HSD17B13: variants seen among roughly 807,000 people sequenced by gnomAD.
HSD17B13 encodes the protein 17-beta-hydroxysteroid dehydrogenase 13.
HSD17B13 carries 26 observed loss-of-function variants against 31.1 expected under a neutral mutation model. The ratio of observed to expected loss-of-function variants is 0.84; its 90% CI spans 0.61 to 1.16. The LOEUF (loss-of-function observed/expected upper bound fraction) is 1.16, where lower values mean the gene tolerates loss of function less well. Among genes scored for constraint, HSD17B13 ranks in the 50% most tolerant of loss-of-function variants. HSD17B13 has a pLI of 0.00. For synonymous variants in HSD17B13, 141 were observed against 133.7 expected, an observed-to-expected ratio of 1.05 and a Z score of -0.38; for missense variants, 374 against 366.5, an observed-to-expected ratio of 1.02 and a Z score of -0.17.
At chr4:87,321,809 T>C (rs528187239) in intron 1 of HSD17B13, among the ~76,000 whole-genome samples, 71 of 152,326 alleles carry the variant, frequency 4.7e-4, no homozygotes, top group South Asian at 1.4e-3. Context: ...AATAATATAA[T>C]GGTAATTAAA....
chr4:87,307,167 A>G (rs1262309950), intron 6 of HSD17B13, among the ~76,000 whole-genome samples: 1 of 152,144 alleles, frequency 6.6e-6, no homozygotes, highest in Admixed American at 6.5e-5. Flanking sequence ...AGAAACCTTC[A>G]TGCTAGTAAT....
chr4:87,318,482 C>A (rs754575817), intron 1 of HSD17B13, 46 bp from the exon 2 acceptor site: 2 of 1,531,788 alleles, frequency 1.3e-6, no homozygotes, highest in Non-Finnish European at 1.8e-6. Context: ...GAGGAGAAGA[C>A]ATTGGAGAAG....
chr4:87,306,486 A>G (rs935471415), intron 6 of HSD17B13, among the ~76,000 whole-genome samples: 1 of 152,240 alleles, frequency 6.6e-6, no homozygotes, highest in African/African-American at 2.4e-5. Context: ...CAATTATTGA[A>G]AAATATCAGC....
At chr4:87,309,923 G>T (rs1734489333) in intron 6 of HSD17B13, among the ~76,000 whole-genome samples, 1 of 152,148 alleles carries the variant, frequency 6.6e-6, no homozygotes, top group Non-Finnish European at 1.5e-5. Context: ...ACTTTGGGAG[G>T]CCGAGACAGG....
intron 2 of HSD17B13, 96 bp downstream of exon 2, chr4:87,318,232 AT>A: frequency 1.1e-6 from 1 of 908,086 alleles, no homozygotes; most frequent in African/African-American, 1.6e-5. Flanking sequence ...CTAAAATCCA[AT>A]TTAAATCAGG....
Position 87,305,129 on chromosome 4 carries a change from T to C in HSD17B13, c.*89A>G, listed in dbSNP as rs943870288. 4 of 769,060 alleles carry C rather than the reference T, an allele frequency of 5.2e-6. No individual in the cohort carries two copies. Among genetic ancestry groups the C allele is most frequent in the East Asian group, 3.0e-5 (1 of 33,596 alleles). 47.6% of individuals were successfully genotyped at this position (769,060 alleles called of 1,614,324 possible). On this transcript the variant is annotated 3_prime_UTR_variant, in exon 7 of 7. Coordinates refer to ENST00000328546, the MANE Select transcript of HSD17B13 (RefSeq NM_178135.5). ...CCAATGTTTTTAATATTATCAGGAC[T>C]GAAAAAATGTGAAATAAAGCTTTGC...
chr4:87,314,052 C>A, intron 4 of HSD17B13, 92 bp from the exon 5 acceptor site: 1 of 1,003,982 alleles, frequency 1.0e-6, no homozygotes, highest in Admixed American at 3.0e-5. Flanking sequence ...GGCTTAAGAA[C>A]AAGTGGAAGC....
intron 1 of HSD17B13, among the ~76,000 whole-genome samples, 164 bp from the exon 2 acceptor site, chr4:87,318,600 C>G (rs555687736): frequency 1.3e-5 from 2 of 150,690 alleles, no homozygotes; most frequent in African/African-American, 4.9e-5. Flanking sequence ...GAGTTCAAGA[C>G]CAGCCTGGCC....
chr4:87,305,548 A>C (rs1001590886), intron 6 of HSD17B13, among the ~76,000 whole-genome samples: 3 of 151,888 alleles, frequency 2.0e-5, no homozygotes, highest in Non-Finnish European at 4.4e-5. Context: ...ATTCAAATTC[A>C]TAAAATTGAA....
chr4:87,312,219 A>AATAGTACT, intron 5 of HSD17B13, among the ~76,000 whole-genome samples: 1 of 152,206 alleles, frequency 6.6e-6, no homozygotes, highest in Non-Finnish European at 1.5e-5. Flanking sequence ...CAGGAGTTGC[A>AATAGTACT]ATAGTACTAT....
chr4:87,310,170 T>G (rs13125803), intron 6 of HSD17B13, 73 bp downstream of exon 6: 59,832 of 1,401,052 alleles, frequency 0.043, 1,513 homozygotes, highest in Non-Finnish European at 0.05. Context: ...TGAGACTCTG[T>G]CTAAAAAAAA....
Position 87,317,142 on chromosome 4 carries a change from C to G in HSD17B13, c.400G>C (p.Asp134His). The G allele has an allele frequency of 6.2e-7, 1 of 1,614,106 alleles. No individual in the cohort carries two copies. The highest frequency in any genetic ancestry group is 1.3e-5 in the African/African-American group (1 of 75,058). The stretch of plus-strand genomic sequence containing the variant: ...TCAAATGTCTTGGTAATCTCTTCAT[C>G]CTTGGTGCTGAGAAGATCGGCTGGA... ...VYPADLLSTK[D>H]EEITKTFEVN... The change falls in exon 3 of 7, where the codon GAT becomes CAT. Residue 134 changes from aspartate to histidine, a missense_variant. Physicochemically the swap from Asp to His is moderately conservative, Grantham distance 81. Coordinates refer to ENST00000328546, the MANE Select transcript of HSD17B13 (RefSeq NM_178135.5).
At chr4:87,308,218 C>T (rs1450152913) in intron 6 of HSD17B13, among the ~76,000 whole-genome samples, 1 of 152,026 alleles carries the variant, frequency 6.6e-6, no homozygotes, top group Non-Finnish European at 1.5e-5. Context: ...AAGATATTAT[C>T]AGCATATTCA....
intron 5 of HSD17B13, among the ~76,000 whole-genome samples, chr4:87,312,269 A>G (rs1462216265): frequency 6.6e-6 from 1 of 152,194 alleles, no homozygotes; most frequent in Non-Finnish European, 1.5e-5. Context: ...AAGTACTGTG[A>G]GACAACGTAG....
chr4:87,314,983 C>T (rs1255374683), intron 4 of HSD17B13, among the ~76,000 whole-genome samples: 1 of 152,128 alleles, frequency 6.6e-6, no homozygotes, highest in East Asian at 1.9e-4. Context: ...AATTTAAATT[C>T]TGTAAATCCA....
At chr4:87,318,766 C>T (rs1226686300) in intron 1 of HSD17B13, among the ~76,000 whole-genome samples, 1 of 148,254 alleles carries the variant, frequency 6.7e-6, no homozygotes, top group East Asian at 2.0e-4. Flanking sequence ...CCACTGGACT[C>T]CAGCCTGGGC....
chr4:87,322,775 CCAA>C lies in HSD17B13; in HGVS notation c.64_66del (p.Leu22del), dbSNP rs769644963. ...CTCCTCTGAGGAATGAAAAACTTCA[CCAA>C]CGACTCCAAGTAGGAGTAGATGATG... On this transcript the variant is annotated inframe_deletion, in exon 1 of 7. Coordinates refer to ENST00000328546, the MANE Select transcript of HSD17B13 (RefSeq NM_178135.5). The C allele has an allele frequency of 1.1e-4, 176 of 1,614,022 alleles. No individual in the cohort carries two copies. The highest frequency in any genetic ancestry group is 1.4e-4 in the Non-Finnish European group (169 of 1,180,004).
chr4:87,313,471 A>G (rs1383860154), intron 5 of HSD17B13, among the ~76,000 whole-genome samples: 2 of 152,120 alleles, frequency 1.3e-5, no homozygotes, highest in Non-Finnish European at 2.9e-5. Context: ...GTCTCACCAG[A>G]GACAAGAGTT....
At chr4:87,308,957 T>G in intron 6 of HSD17B13, among the ~76,000 whole-genome samples, 1 of 145,110 alleles carries the variant, frequency 6.9e-6, no homozygotes, top group South Asian at 2.1e-4. Context: ...TTATCGAGTT[T>G]AGCAAAAAGA....
Sources: allele counts gnomAD v4.1 joint callset (sites outside exome capture counted in the v4.1 genomes callset), GRCh38; gene constraint gnomAD v4.1.1; transcripts MANE v1.5; gene names NCBI Gene and HGNC (gene_info 2026-07-23, HGNC 2026-07-21).